Variants in SFI1 observed in about 807,000 individuals in gnomAD.
SFI1 encodes the protein protein SFI1 homolog.
SFI1 carries 195 observed loss-of-function variants against 207.5 expected under a neutral mutation model. That is an observed-to-expected ratio of 0.94 (90% CI 0.84 to 1.06). The LOEUF is 1.06. Among genes scored for constraint, SFI1 ranks in the 50% least tolerant of loss-of-function variants. SFI1 has a pLI of 0.00. For synonymous variants in SFI1, 630 were observed against 598.9 expected (o/e 1.05, Z -0.76); for missense variants, 1,634 against 1,588.0 (o/e 1.03, Z -0.49).
intron 4 of SFI1, among the ~76,000 whole-genome samples, chr22:31,540,993 T>G (rs79819742): frequency 0.023 from 3,564 of 152,244 alleles, 128 homozygotes; most frequent in African/African-American, 0.081. Context: ...TATTCTGGAG[T>G]CCAGTTCTCC....
chr22:31,533,011 G>A (rs1170399546), intron 4 of SFI1, among the ~76,000 whole-genome samples: 1 of 152,140 alleles, frequency 6.6e-6, no homozygotes, highest in East Asian at 1.9e-4. Context: ...TAGGACACGT[G>A]TACAGAAAAT....
At chr22:31,497,907 G>A (rs2053001057) in intron 1 of SFI1, among the ~76,000 whole-genome samples, 2 of 152,202 alleles carry the variant, frequency 1.3e-5, no homozygotes, top group Admixed American at 1.3e-4. Context: ...TGTACAAAGA[G>A]ATTAATGTTA....
rs749303774 is a variant in SFI1 at position 31,613,768 on chromosome 22, G to A, written c.2909G>A (p.Gly970Asp). ...LNRIAAGAGD[G>D]TLETKRPQAS... ...CGCATTGCTGCTGGGGCTGGGGATG[G>A]CACCCTTGAGACCAAGAGGCCACAG... The change falls in exon 27 of 33, where the codon GGC becomes GAC. Residue 970 changes from glycine to aspartate, a missense_variant. Coordinates refer to ENST00000400288, the MANE Select transcript of SFI1 (RefSeq NM_001007467.3). The A allele has an allele frequency of 1.9e-6, 3 of 1,612,676 alleles. No individual in the cohort carries two copies. Among genetic ancestry groups the A allele is most frequent in the Admixed American group, 1.7e-5 (1 of 59,924 alleles).
chr22:31,565,528 C>T (rs2062202536), intron 8 of SFI1, among the ~76,000 whole-genome samples: 1 of 135,386 alleles, frequency 7.4e-6, no homozygotes. Context: ...GAGACCCCAT[C>T]TCTACAAAAA....
At chr22:31,599,561 AC>A (rs2067772353) in intron 15 of SFI1, among the ~76,000 whole-genome samples, 1 of 152,044 alleles carries the variant, frequency 6.6e-6, no homozygotes, top group African/African-American at 2.4e-5. Flanking sequence ...CCATCTCTTG[AC>A]CTCGTGATCC....
chr22:31,545,317 A>G (rs1476342165), intron 4 of SFI1, among the ~76,000 whole-genome samples: 1 of 151,470 alleles, frequency 6.6e-6, no homozygotes, highest in Non-Finnish European at 1.5e-5. Flanking sequence ...ATGAACCGAG[A>G]TCACACCATT....
At chr22:31,525,628 G>C (rs1602138264) in intron 2 of SFI1, among the ~76,000 whole-genome samples, 2 of 152,130 alleles carry the variant, frequency 1.3e-5, no homozygotes, top group Non-Finnish European at 2.9e-5. Context: ...GAGGTGGGAA[G>C]ATCACCTGAA....
chr22:31,550,159 C>A, intron 5 of SFI1, 95 bp from the exon 6 acceptor site: 1 of 838,638 alleles, frequency 1.2e-6, no homozygotes, highest in Non-Finnish European at 1.9e-6. Context: ...GAACTCCTTG[C>A]CTTGGCCTCC....
At chr22:31,518,502 A>G (rs1391449483) in intron 2 of SFI1, among the ~76,000 whole-genome samples, 2 of 152,104 alleles carry the variant, frequency 1.3e-5, no homozygotes, top group Non-Finnish European at 2.9e-5. Flanking sequence ...TATAGAGTTG[A>G]CCCTCATTTA....
In SFI1 at chr22:31,594,728, G is replaced by C. The variant is rs182729461; in HGVS notation, c.1544+5151G>C. ...AAATTAGCCGGGCGTGGTGGTGGGC[G>C]ACTGTAGTCCCAGCTACTCAGGAGG... is the stretch of plus-strand genomic sequence containing the variant. On this transcript the variant is annotated intron_variant, in intron 15 of 32. Transcript: ENST00000400288. 9.7e-3 allele frequency among the ~76,000 whole-genome samples: 1,464 copies of C among 150,618 alleles called. 14 individuals are homozygous for C. Among genetic ancestry groups the C allele is most frequent in the Non-Finnish European group, 0.015 (1,047 of 67,740 alleles).
At chr22:31,560,710 T>G (rs573809134) in intron 7 of SFI1, among the ~76,000 whole-genome samples, 1 of 149,004 alleles carries the variant, frequency 6.7e-6, no homozygotes, top group Non-Finnish European at 1.5e-5. Flanking sequence ...GCCTTTTTTT[T>G]TTTTTTCCCG....
Position 31,535,185 on chromosome 22 carries a change from C to CT in SFI1, c.338+4074dup, listed in dbSNP as rs36035505. On this transcript the variant is annotated intron_variant, in intron 4 of 32. Transcript: ENST00000400288. ...CCCGGCCTCAAATGCTTTTTTATTG[C>CT]TTTTTTTTTTTTTTTTTTGAGACAT... 6.0e-3 allele frequency among the ~76,000 whole-genome samples: 669 copies of CT among 111,802 alleles called. 5 individuals are homozygous for CT. Among genetic ancestry groups the CT allele is most frequent in the South Asian group, 7.8e-3 (27 of 3,442 alleles). 73.3% of individuals were successfully genotyped at this position (111,802 alleles called of 152,430 possible).
At chr22:31,598,834 C>T (rs530124643) in intron 15 of SFI1, among the ~76,000 whole-genome samples, 1 of 127,814 alleles carries the variant, frequency 7.8e-6, no homozygotes, top group Non-Finnish European at 1.6e-5. Context: ...TGCTCTGTTG[C>T]CCAGGCTGGA....
intron 15 of SFI1, among the ~76,000 whole-genome samples, chr22:31,596,825 A>G (rs2067192790): frequency 6.6e-6 from 1 of 151,242 alleles, no homozygotes; most frequent in South Asian, 2.1e-4. Context: ...GAAAACACGC[A>G]CACACAGTAC....
intron 2 of SFI1, among the ~76,000 whole-genome samples, chr22:31,519,239 A>T (rs2056905143): frequency 6.6e-6 from 1 of 151,892 alleles, no homozygotes; most frequent in Admixed American, 6.6e-5. Flanking sequence ...AAAACCAGCG[A>T]ACTATGCATC....
At position 31,593,104 on chromosome 22, in the gene SFI1, C is replaced by T. The variant is rs1433478769; in HGVS notation, c.1544+3527C>T. Among the ~76,000 whole-genome samples the T allele has an allele frequency of 3.5e-4, 52 of 147,100 alleles. No homozygotes were observed. The East Asian group carries it at 9.7e-3, about 27-fold the overall frequency. The stretch of plus-strand genomic sequence containing the variant: ...GGGGGCTGACCCCCCACCTCCCTCC[C>T]GGATGGGGCGGCTGGCCGGGCGGGG... On this transcript the variant is annotated intron_variant, in intron 15 of 32. Coordinates refer to ENST00000400288, the MANE Select transcript of SFI1 (RefSeq NM_001007467.3).
At position 31,583,949 on chromosome 22, in the gene SFI1, G is replaced by A. The variant is rs1479552764; in HGVS notation, c.1323G>A (p.Leu441=). 2 of 1,614,076 alleles carry A rather than the reference G, an allele frequency of 1.2e-6. No individual in the cohort carries two copies. The highest frequency in any genetic ancestry group is 1.7e-6 in the Non-Finnish European group (2 of 1,179,982). The change falls in exon 13 of 33, where the codon CTG becomes CTA. Residue 441 remains leucine (L), a synonymous_variant. Coordinates refer to ENST00000400288, the MANE Select transcript of SFI1 (RefSeq NM_001007467.3). The part of the protein sequence containing the change: ...QKKERELLPL[L]HAAWDHYRIA... Reference sequence around the variant, plus strand: ...AGGAAAGAGAGCTGCTCCCCTTACTGCATGCTGCCTGGGACCACTACAGGT... The same window carrying A: ...AGGAAAGAGAGCTGCTCCCCTTACTACATGCTGCCTGGGACCACTACAGGT...
At position 31,528,773 on chromosome 22, in the gene SFI1, G is replaced by A. The variant is rs747647817; in HGVS notation, c.176G>A (p.Arg59Gln). 1.9e-5 allele frequency: 30 copies of A among 1,613,978 alleles called. No homozygotes were observed. The highest frequency in any genetic ancestry group is 2.3e-5 in the Non-Finnish European group (27 of 1,179,996). The change falls in exon 3 of 33, where the codon CGG becomes CAG. Residue 59 changes from arginine to glutamine, a missense_variant. Physicochemically the swap from Arg to Gln is conservative, Grantham distance 43 (BLOSUM62 1). Coordinates refer to ENST00000400288, the MANE Select transcript of SFI1 (RefSeq NM_001007467.3). ...NKKSSASFGI[R>Q]RELPSTSHLV... ...AAGTCTTCTGCATCCTTTGGGATCC[G>A]GAGGGAGTTACCTAGTACCAGTCAT...
At chr22:31,542,403 G>A (rs1278993075) in intron 4 of SFI1, among the ~76,000 whole-genome samples, 3 of 151,616 alleles carry the variant, frequency 2.0e-5, no homozygotes, top group African/African-American at 7.3e-5. Flanking sequence ...CACGGCAGGC[G>A]GATCACCTGA....
Sources: gnomAD v4.1 joint callset for allele counts (sites outside exome capture counted in the v4.1 genomes callset) on GRCh38, gnomAD v4.1.1 for gene constraint, MANE v1.5 for transcripts, NCBI Gene and HGNC (gene_info 2026-07-23, HGNC 2026-07-21) for gene names.